Variants in SSPN observed in about 807,000 individuals in gnomAD.
SSPN encodes the protein K-ras oncogene-associated protein.
SSPN carries 15 observed loss-of-function variants against 19.1 expected under a neutral mutation model. That is an observed-to-expected ratio of 0.78 (90% CI 0.52 to 1.21). The LOEUF (loss-of-function observed/expected upper bound fraction) is 1.21, where lower values mean the gene tolerates loss of function less well. Ranked by LOEUF, SSPN falls within the 50% of genes most tolerant of loss-of-function variation. The pLI, the probability that SSPN is intolerant of heterozygous loss-of-function variation, is 0.00. For missense variants in SSPN, 291 were observed against 314.0 expected (o/e 0.93, Z 0.55); for synonymous variants, 147 against 140.3 (o/e 1.05, Z -0.34).
Position 26,233,093 on chromosome 12 carries a change from A to G in SSPN, c.*2017A>G, listed in dbSNP as rs1565697770. On this transcript the variant is annotated 3_prime_UTR_variant, in exon 3 of 3. Transcript: ENST00000242729. This position sits in a 1 kb window ranked among gnomAD's most constrained non-coding sequence, Gnocchi z 4.3. ...TAATGCTAGTAACCGTGAATTAGGCACCACTGAAAGCACATCCCGAATTTC... is the reference window on the plus strand; with the variant it reads ...TAATGCTAGTAACCGTGAATTAGGCGCCACTGAAAGCACATCCCGAATTTC... The G allele has an allele frequency of 6.6e-6, 1 of 152,088 alleles. No individual in the cohort carries two copies. Among genetic ancestry groups the G allele is most frequent in the Non-Finnish European group, 1.5e-5 (1 of 68,024 alleles). The allele number at this position is 152,088 out of a possible 1,614,324, so 9.4% of individuals were successfully genotyped here. A position where few individuals can be genotyped will look rare whatever the true frequency, so the allele number is the denominator to read the frequency against.
In SSPN at chr12:26,144,355, G is replaced by T. The variant is rs77537557; in HGVS notation, c.-31+22203G>T. Among the ~76,000 whole-genome samples the T allele has an allele frequency of 3.3e-3, 502 of 152,268 alleles. 4 individuals are homozygous for T. Among genetic ancestry groups the T allele is most frequent in the Middle Eastern group, 0.024 (7 of 294 alleles). On this transcript the variant is annotated intron_variant, in intron 1 of 2. Transcript: ENST00000538142. ...GCTGTAAGGCAGGAACAAGTGAATC[G>T]AATGGAGTAAAAGACCCAGAGGAGA...
intron 1 of SSPN, among the ~76,000 whole-genome samples, chr12:26,221,695 AT>A (rs1349462008): frequency 6.6e-6 from 1 of 152,206 alleles, no homozygotes; most frequent in African/African-American, 2.4e-5. Flanking sequence ...TGTGTCTCTT[AT>A]GGAGACAAAG....
intron 1 of SSPN, chr12:26,122,971 G>T (rs1298034445): frequency 1.3e-6 from 2 of 1,563,444 alleles, no homozygotes; most frequent in East Asian, 2.4e-5. Flanking sequence ...GGGACCTGTT[G>T]AGTCAACAGC....
At chr12:26,209,109 T>A (rs2137476356) in intron 1 of SSPN, among the ~76,000 whole-genome samples, 1 of 151,436 alleles carries the variant, frequency 6.6e-6, no homozygotes, top group East Asian at 2.0e-4. Flanking sequence ...CCAAGAAAAA[T>A]ACTTTTGGTA....
intron 1 of SSPN, among the ~76,000 whole-genome samples, chr12:26,217,743 G>A (rs9668860): frequency 0.99 from 143,706 of 144,584 alleles, 71,419 homozygotes; most frequent in Middle Eastern, 1. Flanking sequence ...ATTTTGAAAT[G>A]CGTCCCATCA....
At chr12:26,227,888 C>T (rs1470698810) in intron 2 of SSPN, among the ~76,000 whole-genome samples, 6 of 152,338 alleles carry the variant, frequency 3.9e-5, no homozygotes, top group East Asian at 1.9e-4. Flanking sequence ...AGTACTGCTG[C>T]GCACTTGTTA....
At chr12:26,131,934 T>C (rs1944399293) in intron 1 of SSPN, among the ~76,000 whole-genome samples, 1 of 152,102 alleles carries the variant, frequency 6.6e-6, no homozygotes, top group Non-Finnish European at 1.5e-5. Context: ...GGCAAGAGTC[T>C]TGAGTTTTAA....
chr12:26,217,967 G>GTA (rs1945073889), intron 1 of SSPN, among the ~76,000 whole-genome samples: 1 of 151,992 alleles, frequency 6.6e-6, no homozygotes, highest in African/African-American at 2.4e-5. Context: ...CCATTACTGG[G>GTA]TATATACTCA....
chr12:26,144,539 C>T (rs547257786), intron 1 of SSPN, among the ~76,000 whole-genome samples: 1 of 152,170 alleles, frequency 6.6e-6, no homozygotes, highest in South Asian at 2.1e-4. Context: ...ATACATTCTG[C>T]GTCTCTCTTG....
At chr12:26,153,247 C>T (rs755354413) in intron 1 of SSPN, among the ~76,000 whole-genome samples, 19 of 152,126 alleles carry the variant, frequency 1.2e-4, no homozygotes, top group Non-Finnish European at 2.1e-4. Flanking sequence ...GAGGATCAAA[C>T]GAGTTAATAT....
chr12:26,154,810 C>T (rs1018448295), intron 1 of SSPN, among the ~76,000 whole-genome samples: 1 of 152,008 alleles, frequency 6.6e-6, no homozygotes, highest in African/African-American at 2.4e-5. Flanking sequence ...AGGTCTAGGG[C>T]AGAGTAGAAT....
intron 1 of SSPN, among the ~76,000 whole-genome samples, chr12:26,183,884 C>A (rs71452010): frequency 0.016 from 2,455 of 152,320 alleles, 33 homozygotes; most frequent in Non-Finnish European, 0.025. Flanking sequence ...AATTGTACTG[C>A]ACTTTCGATG....
chr12:26,122,252 G>T (rs1370792794), intron 1 of SSPN: 2 of 1,270,300 alleles, frequency 1.6e-6, no homozygotes, highest in East Asian at 3.3e-5. Flanking sequence ...TCTCGGGAGG[G>T]GGCGACAACA....
intron 1 of SSPN, among the ~76,000 whole-genome samples, chr12:26,146,478 T>C (rs895663009): frequency 6.6e-6 from 1 of 152,118 alleles, no homozygotes; most frequent in African/African-American, 2.4e-5. Context: ...TTCCTCAAAA[T>C]ACAGATTCAC....
chr12:26,194,263 G>A (rs1944806874), upstream of SSPN, among the ~76,000 whole-genome samples: 1 of 152,208 alleles, frequency 6.6e-6, no homozygotes, highest in African/African-American at 2.4e-5. Flanking sequence ...CCAGGACCAA[G>A]TCTATTTTGA....
At chr12:26,211,712 GCA>G (rs1245279767) in intron 1 of SSPN, 1 of 152,134 alleles carries the variant, frequency 6.6e-6, no homozygotes, top group Non-Finnish European at 1.5e-5. Context: ...CATCTGCAAA[GCA>G]CAGTGTGTGC....
At chr12:26,206,712 T>C (rs117683022) in intron 1 of SSPN, among the ~76,000 whole-genome samples, 1,870 of 152,340 alleles carry the variant, frequency 0.012, 20 homozygotes, top group Non-Finnish European at 0.018. Context: ...AGGTTGTTTA[T>C]TTCTTCCCAC....
intron 1 of SSPN, among the ~76,000 whole-genome samples, chr12:26,165,092 A>C (rs1427696289): frequency 1.3e-5 from 2 of 152,212 alleles, no homozygotes; most frequent in Admixed American, 6.5e-5. Context: ...TATAAAGAAG[A>C]ATTTTTGAAC....
rs765427259 is a variant in SSPN, at chr12:26,230,782, C to G, written c.438C>G (p.His146Gln). ...CVLAVAFAAHHYSQLTQFTCE... is the reference protein window; with the variant it reads ...CVLAVAFAAHQYSQLTQFTCE... ...TGGCCGTGGCCTTTGCCGCCCACCA[C>G]TATTCGCAGCTCACACAGTTTACCT... The change falls in exon 3 of 3, where the codon CAC becomes CAG. Residue 146 changes from histidine (H) to glutamine (Q), a missense_variant. By Grantham distance (24) the His-to-Gln change is conservative. Coordinates refer to ENST00000242729, the MANE Select transcript of SSPN (RefSeq NM_005086.5). 8.1e-6 allele frequency: 13 copies of G among 1,614,238 alleles called. No individual in the cohort carries two copies. The South Asian group carries it at 1.2e-4, about 15-fold the overall frequency.
Sources: allele counts gnomAD v4.1 joint callset (sites outside exome capture counted in the v4.1 genomes callset), GRCh38; gene constraint gnomAD v4.1.1; non-coding constraint Gnocchi (gnomAD v3.1); transcripts MANE v1.5; gene names NCBI Gene and HGNC (gene_info 2026-07-23, HGNC 2026-07-21).